Variants in NIBAN1 observed in about 807,000 individuals in gnomAD.
NIBAN1 encodes protein Niban 1.
Under a neutral mutation model 75.1 loss-of-function variants are expected in NIBAN1, and 81 were observed. That is an observed-to-expected ratio of 1.08 (90% CI 0.90 to 1.30). NIBAN1 has a LOEUF of 1.30. Ranked by LOEUF, NIBAN1 falls within the 50% of genes most tolerant of loss-of-function variation. The pLI is 0.00. For synonymous variants in NIBAN1, 436 were observed against 424.8 expected, an observed-to-expected ratio of 1.03 and a Z score of -0.32; for missense variants, 1,133 against 1,128.1, an observed-to-expected ratio of 1.00 and a Z score of -0.06.
chr1:184,947,501 C>A lies in NIBAN1; in HGVS notation c.55+26801G>T, dbSNP rs978648534. ...TACAATATTGTGAATATAGTTAATGCTGCTGAATTGCAAGTTGCCAATGTT... is the reference window on the plus strand; with the variant it reads ...TACAATATTGTGAATATAGTTAATGATGCTGAATTGCAAGTTGCCAATGTT... On this transcript the variant is annotated intron_variant, in intron 1 of 13. Transcript: ENST00000367511. Among the ~76,000 whole-genome samples, 8 of 152,198 alleles carry A rather than the reference C, an allele frequency of 5.3e-5. 1 individual carries two copies. The highest frequency in any genetic ancestry group is 5.2e-4 in the Admixed American group (8 of 15,286).
chr1:184,828,602 G>A (rs1274892795), intron 6 of NIBAN1, among the ~76,000 whole-genome samples: 2 of 152,126 alleles, frequency 1.3e-5, no homozygotes, highest in Non-Finnish European at 2.9e-5. Context: ...AAGCTTTAGA[G>A]GCCATTTCCT....
intron 1 of NIBAN1, among the ~76,000 whole-genome samples, chr1:184,967,613 A>T (rs1047799759): frequency 6.6e-6 from 1 of 152,218 alleles, no homozygotes; most frequent in South Asian, 2.1e-4. Flanking sequence ...GATTACAATA[A>T]AGTAAAAAGC....
At chr1:184,965,661 G>C (rs1050483938) in intron 1 of NIBAN1, among the ~76,000 whole-genome samples, 4 of 152,198 alleles carry the variant, frequency 2.6e-5, no homozygotes, top group Non-Finnish European at 5.9e-5. Flanking sequence ...GAACGGTGGA[G>C]GGGAGAGGGA....
intron 1 of NIBAN1, among the ~76,000 whole-genome samples, chr1:184,941,372 G>A (rs984269183): frequency 6.6e-6 from 1 of 152,120 alleles, no homozygotes; most frequent in Non-Finnish European, 1.5e-5. Flanking sequence ...TGGGAGAGCC[G>A]GGTGCAGTGG....
intron 9 of NIBAN1, among the ~76,000 whole-genome samples, chr1:184,818,135 T>G (rs1654589175): frequency 6.6e-6 from 1 of 151,068 alleles, no homozygotes; most frequent in Non-Finnish European, 1.5e-5. Flanking sequence ...TGGCTGAAGT[T>G]TTTTTTTTAA....
At chr1:184,801,273 T>G (rs568580702) in intron 12 of NIBAN1, among the ~76,000 whole-genome samples, 1 of 152,124 alleles carries the variant, frequency 6.6e-6, no homozygotes, top group South Asian at 2.1e-4. Flanking sequence ...TAATAATGGG[T>G]TCCTTTATAC....
chr1:184,866,161 G>A (rs1031495581), intron 5 of NIBAN1, among the ~76,000 whole-genome samples: 2 of 152,144 alleles, frequency 1.3e-5, no homozygotes, highest in Admixed American at 1.3e-4. Flanking sequence ...CCTAGTTTTA[G>A]GAGTCAGATA....
At chr1:184,950,151 C>A (rs1168552162) in intron 1 of NIBAN1, among the ~76,000 whole-genome samples, 1 of 151,808 alleles carries the variant, frequency 6.6e-6, no homozygotes, top group Non-Finnish European at 1.5e-5. Flanking sequence ...AATGCATTCA[C>A]CCTGTTCACT....
intron 1 of NIBAN1, among the ~76,000 whole-genome samples, chr1:184,959,400 C>T (rs183502): frequency 0.2 from 30,343 of 152,128 alleles, 3,341 homozygotes; most frequent in East Asian, 0.35. Context: ...ATCATGTTCA[C>T]GTTTGCCTCT....
chr1:184,829,098 C>T (rs142731133), intron 6 of NIBAN1, among the ~76,000 whole-genome samples: 1 of 152,308 alleles, frequency 6.6e-6, no homozygotes, highest in African/African-American at 2.4e-5. Flanking sequence ...CCACACCCAG[C>T]CCCTGTGAAA....
Position 184,795,441 on chromosome 1 carries a change from G to C in NIBAN1, c.2323C>G (p.Pro775Ala). The change falls in exon 14 of 14, where the codon CCT becomes GCT. Residue 775 changes from proline (P) to alanine (A), a missense_variant. By Grantham distance (27) the Pro-to-Ala change is conservative (BLOSUM62 -1). Coordinates refer to ENST00000367511, the MANE Select transcript of NIBAN1 (RefSeq NM_052966.4). ...ESEVSEREAQ[P>A]PCPEAHGEEL... is the part of the protein sequence containing the mutation. ...TCCCCATGGGCCTCGGGACAGGGAG[G>C]TTGGGCCTCCCTCTCGCTGACTTCA... 6.2e-7 allele frequency: 1 copy of C among 1,608,376 alleles called. No homozygotes were observed. The highest frequency in any genetic ancestry group is 8.5e-7 in the Non-Finnish European group (1 of 1,177,220).
At chr1:184,899,929 G>A (rs1199525462) in intron 1 of NIBAN1, among the ~76,000 whole-genome samples, 8 of 146,222 alleles carry the variant, frequency 5.5e-5, no homozygotes, top group Admixed American at 2.1e-4. Context: ...CGATTCTCCC[G>A]CCTCAGCCTC....
At chr1:184,974,205 A>T (rs1204662032) in intron 1 of NIBAN1, 97 bp downstream of exon 1, 1 of 1,249,274 alleles carries the variant, frequency 8.0e-7, no homozygotes, top group Non-Finnish European at 1.0e-6. Context: ...CGCTACAGGG[A>T]GAGGGCCCGG....
chr1:184,854,509 C>T (rs889302071), intron 5 of NIBAN1, among the ~76,000 whole-genome samples: 1 of 152,180 alleles, frequency 6.6e-6, no homozygotes, highest in African/African-American at 2.4e-5. Flanking sequence ...ATTCAAGACC[C>T]TTGACAATTA....
intron 5 of NIBAN1, among the ~76,000 whole-genome samples, chr1:184,883,584 T>C (rs1656432141): frequency 6.6e-6 from 1 of 152,224 alleles, no homozygotes; most frequent in Non-Finnish European, 1.5e-5. Context: ...AAGTCTCTTT[T>C]ACTATTGATG....
intron 5 of NIBAN1, among the ~76,000 whole-genome samples, chr1:184,866,727 C>G (rs948215134): frequency 1.3e-5 from 2 of 152,056 alleles, no homozygotes; most frequent in African/African-American, 4.8e-5. Context: ...CAGAAGAAAA[C>G]CAGAGATGGC....
At chr1:184,801,450 C>T (rs1654038493) in intron 12 of NIBAN1, among the ~76,000 whole-genome samples, 1 of 152,134 alleles carries the variant, frequency 6.6e-6, no homozygotes, top group Non-Finnish European at 1.5e-5. Flanking sequence ...CTGCTCTGTG[C>T]CTCTGTCTCT....
At position 184,795,770 on chromosome 1, in the gene NIBAN1, A is replaced by G; in HGVS notation, c.1994T>C (p.Val665Ala). The change falls in exon 14 of 14, where the codon GTG becomes GCG. Residue 665 changes from valine to alanine, a missense_variant. Val to Ala is a moderately conservative substitution (Grantham distance 64). Transcript: ENST00000367511. ...TGTGTCCTCTGTTGCCACAGGATTC[A>G]CCACGGGGTCATCCACTCTTGAAAT... ...VIISRVDDPV[V>A]NPVATEDTAG... 1 of 1,611,680 alleles carries G rather than the reference A, an allele frequency of 6.2e-7. No individual in the cohort carries two copies. Among genetic ancestry groups the G allele is most frequent in the Non-Finnish European group, 8.5e-7 (1 of 1,178,584 alleles).
chr1:184,818,557 G>T, intron 9 of NIBAN1, 81 bp downstream of exon 9: 1 of 1,301,562 alleles, frequency 7.7e-7, no homozygotes, highest in Non-Finnish European at 1.0e-6. Context: ...GAGGAAGGGA[G>T]GGAGAAATGG....
Sources: gnomAD v4.1 joint callset for allele counts (sites outside exome capture counted in the v4.1 genomes callset) on GRCh38, gnomAD v4.1.1 for gene constraint, MANE v1.5 for transcripts, NCBI Gene and HGNC (gene_info 2026-07-23, HGNC 2026-07-21) for gene names.